ADARB2: variants seen among roughly 807,000 people sequenced by gnomAD.
The protein encoded by ADARB2 is adenosine deaminase RNA specific B2 (inactive).
ADARB2 carries 25 observed loss-of-function variants against 62.2 expected under a neutral mutation model. That is an observed-to-expected ratio of 0.40 (90% CI 0.29 to 0.56). ADARB2 has a LOEUF of 0.56. Among genes scored for constraint, ADARB2 ranks in the 20% least tolerant of loss-of-function variants. The pLI is 0.43. For missense variants in ADARB2, 1,071 were observed against 1,077.4 expected, an observed-to-expected ratio of 0.99 and a Z score of 0.08; for synonymous variants, 572 against 500.8, an observed-to-expected ratio of 1.14 and a Z score of -1.90.
chr10:1,688,161 A>G (rs1416268778), intron 1 of ADARB2, among the ~76,000 whole-genome samples: 6 of 152,216 alleles, frequency 3.9e-5, no homozygotes, highest in African/African-American at 1.4e-4. Flanking sequence ...TTGGACATAA[A>G]CAGCCAGTGG....
At chr10:1,512,863 C>T (rs575059623) in intron 1 of ADARB2, among the ~76,000 whole-genome samples, 17 of 152,302 alleles carry the variant, frequency 1.1e-4, no homozygotes, top group African/African-American at 3.1e-4. Flanking sequence ...GCTCACCCCA[C>T]GTCTGCCACC....
chr10:1,370,173 A>G (rs1211357361), intron 2 of ADARB2, among the ~76,000 whole-genome samples: 1 of 152,252 alleles, frequency 6.6e-6, no homozygotes, highest in Non-Finnish European at 1.5e-5. Context: ...AATGTGATTT[A>G]CCACACAAAC....
rs1214420159 is a variant in ADARB2 at position 1,571,802 on chromosome 10, C to CGGGTG, written c.100+165248_100+165249insCACCC. 5.4e-3 allele frequency among the ~76,000 whole-genome samples: 360 copies of CGGGTG among 66,948 alleles called. 3 individuals carry two copies. The highest frequency in any genetic ancestry group is 0.034 in the African/African-American group (342 of 10,202). 43.9% of individuals were successfully genotyped at this position (66,948 alleles called of 152,430 possible). ...GGCAGGTGATATGCTGGTGAGTGGA[C>CGGGTG]AGGTGAGTGGACAGGTGAGTATGCA... is the stretch of plus-strand genomic sequence containing the variant. On this transcript the variant is annotated intron_variant, in intron 1 of 9. Coordinates refer to ENST00000381312, the MANE Select transcript of ADARB2 (RefSeq NM_018702.4).
intron 1 of ADARB2, among the ~76,000 whole-genome samples, chr10:1,732,787 C>T (rs2119049983): frequency 6.6e-6 from 1 of 152,352 alleles, no homozygotes; most frequent in East Asian, 1.9e-4. Context: ...ATCCTCAGCA[C>T]AATCTTTCTA....
intron 1 of ADARB2, among the ~76,000 whole-genome samples, chr10:1,577,240 A>ATCCAG (rs1475024594): frequency 1.4e-5 from 2 of 143,826 alleles, no homozygotes; most frequent in African/African-American, 5.2e-5. Flanking sequence ...ATCCTGGTGC[A>ATCCAG]AAGCTGTCCC....
At chr10:1,684,428 GCACA>G (rs529203522) in intron 1 of ADARB2, among the ~76,000 whole-genome samples, 1 of 151,972 alleles carries the variant, frequency 6.6e-6, no homozygotes, top group African/African-American at 2.4e-5. Flanking sequence ...ATTTCTGTAT[GCACA>G]CACACACATA....
intron 1 of ADARB2, among the ~76,000 whole-genome samples, chr10:1,382,249 G>C (rs368311295): frequency 6.6e-6 from 1 of 152,094 alleles, no homozygotes; most frequent in Admixed American, 6.5e-5. Flanking sequence ...CTCTTTCCAC[G>C]AGTGCAGTGG....
At chr10:1,353,773 C>T (rs889681316) in intron 3 of ADARB2, among the ~76,000 whole-genome samples, 7 of 152,150 alleles carry the variant, frequency 4.6e-5, no homozygotes, top group African/African-American at 7.2e-5. Context: ...CAATTAGAGC[C>T]TTCCAGTTCC....
intron 3 of ADARB2, among the ~76,000 whole-genome samples, chr10:1,277,985 T>C (rs1831335352): frequency 1.3e-5 from 2 of 152,002 alleles, no homozygotes; most frequent in Non-Finnish European, 2.9e-5. Context: ...TTTTTTCCTT[T>C]TTGAGACAGA....
At position 1,477,455 on chromosome 10, in the gene ADARB2, C is replaced by T. The variant is rs1459073333; in HGVS notation, c.101-98295G>A. On this transcript the variant is annotated intron_variant, in intron 1 of 9. Transcript: ENST00000381312. The surrounding 1 kb of genome is among the most constrained non-coding windows in gnomAD (Gnocchi z 4.5). ...AGCCCTGCTTCTTTGCAGACGGCCC[C>T]TTTTCTGCTGTGCTGCCCATTGCTT... Among the ~76,000 whole-genome samples the T allele has an allele frequency of 6.6e-6, 1 of 152,152 alleles. No individual in the cohort carries two copies. The highest frequency in any genetic ancestry group is 2.1e-4 in the South Asian group (1 of 4,822).
chr10:1,374,008 A>C, intron 2 of ADARB2, among the ~76,000 whole-genome samples: 1 of 151,238 alleles, frequency 6.6e-6, no homozygotes, highest in Admixed American at 6.6e-5. Context: ...TTCCTAGTGA[A>C]ACCCGCTTCC....
chr10:1,503,434 T>G (rs1831792523), intron 1 of ADARB2, among the ~76,000 whole-genome samples: 1 of 151,956 alleles, frequency 6.6e-6, no homozygotes, highest in Admixed American at 6.6e-5. Context: ...GACCTCCTTG[T>G]GCCCCCAAAG....
At chr10:1,217,992 G>T (rs1830647360) in intron 6 of ADARB2, among the ~76,000 whole-genome samples, 1 of 151,474 alleles carries the variant, frequency 6.6e-6, no homozygotes. Context: ...TGGAGAACTA[G>T]CATGAGCAAG....
intron 7 of ADARB2, among the ~76,000 whole-genome samples, chr10:1,212,761 G>A (rs113359529): frequency 0.099 from 7,547 of 76,446 alleles, no homozygotes; most frequent in African/African-American, 0.15. Flanking sequence ...GCACCCTGCA[G>A]CCAAGTGGCC....
In ADARB2 at chr10:1,217,064, G is replaced by T. The variant is rs780275876; in HGVS notation, c.1569C>A (p.Ile523=). The T allele has an allele frequency of 3.7e-6, 6 of 1,609,536 alleles. No homozygotes were observed. The highest frequency in any genetic ancestry group is 1.6e-4 in the Middle Eastern group (1 of 6,072). ...RKFRGHLRTK[I]ESGEGTVPVR... ...CGGGGACCGTCCCTTCCCCGGACTC[G>T]ATCTTGGTGCGCAGGTGCCCGCGGA... The change falls in exon 7 of 10, where the codon ATC becomes ATA. Residue 523 remains isoleucine, a synonymous_variant. Transcript: ENST00000381312.
intron 1 of ADARB2, among the ~76,000 whole-genome samples, chr10:1,480,641 T>G (rs1831456894): frequency 7.0e-6 from 1 of 143,270 alleles, no homozygotes; most frequent in African/African-American, 2.5e-5. Context: ...GAGCTTGCAG[T>G]GAGCTGAGAT....
chr10:1,201,466 C>T (rs1836983377), intron 7 of ADARB2, among the ~76,000 whole-genome samples: 1 of 152,188 alleles, frequency 6.6e-6, no homozygotes, highest in African/African-American at 2.4e-5. Flanking sequence ...GTGCTTCTCC[C>T]AGAAAGCAAG....
At position 1,445,538 on chromosome 10, in the gene ADARB2, A is replaced by G. The variant is rs1233326537; in HGVS notation, c.101-66378T>C. Among the ~76,000 whole-genome samples, 3 of 152,006 alleles carry G rather than the reference A, an allele frequency of 2.0e-5. No homozygotes were observed. The East Asian group carries it at 5.8e-4, about 29-fold the overall frequency. On this transcript the variant is annotated intron_variant, in intron 1 of 9. Coordinates refer to ENST00000381312, the MANE Select transcript of ADARB2 (RefSeq NM_018702.4). The stretch of plus-strand genomic sequence containing the variant: ...TGTCCACTCATCCTTCTGTCCATAC[A>G]TCTAAACTCATCCATCCATCTGTCC...
At chr10:1,572,984 C>T (rs952334336) in intron 1 of ADARB2, among the ~76,000 whole-genome samples, 4 of 152,264 alleles carry the variant, frequency 2.6e-5, no homozygotes, top group Admixed American at 6.5e-5. Flanking sequence ...CCCGAGTGCT[C>T]ATTTACATGG....
Sources: allele counts gnomAD v4.1 joint callset (sites outside exome capture counted in the v4.1 genomes callset), GRCh38; gene constraint gnomAD v4.1.1; non-coding constraint Gnocchi (gnomAD v3.1); transcripts MANE v1.5; gene names NCBI Gene and HGNC (gene_info 2026-07-23, HGNC 2026-07-21).